Variants in CALN1 observed in about 807,000 individuals in gnomAD.
CALN1 encodes calneuron 1.
Under a neutral mutation model 30.6 loss-of-function variants are expected in CALN1, and 17 were observed. The ratio of observed to expected loss-of-function variants is 0.56; its 90% CI spans 0.38 to 0.83. The LOEUF is 0.83. CALN1 is among the 40% of genes least tolerant of loss of function. CALN1 has a pLI of 0.00. For missense variants in CALN1, 291 were observed against 354.9 expected, an observed-to-expected ratio of 0.82 and a Z score of 1.45; for synonymous variants, 156 against 131.4, an observed-to-expected ratio of 1.19 and a Z score of -1.28.
At chr7:71,893,973 A>G (rs958556714) in intron 5 of CALN1, among the ~76,000 whole-genome samples, 2 of 152,092 alleles carry the variant, frequency 1.3e-5, no homozygotes, top group Non-Finnish European at 2.9e-5. Context: ...TAGACATCAC[A>G]CAACTTGATA....
chr7:71,817,815 T>C (rs1267906781), intron 5 of CALN1, among the ~76,000 whole-genome samples: 4 of 152,128 alleles, frequency 2.6e-5, no homozygotes, highest in African/African-American at 9.6e-5. Flanking sequence ...CACCCGGCCA[T>C]ATTTATATTT....
chr7:71,899,435 G>C (rs901895541), intron 5 of CALN1, among the ~76,000 whole-genome samples: 1 of 152,082 alleles, frequency 6.6e-6, no homozygotes, highest in Non-Finnish European at 1.5e-5. Context: ...GAGCCACCAC[G>C]CCCGGCTGAG....
rs148487351 is a variant in CALN1 at position 71,787,109 on chromosome 7, C to T, written c.*666G>A. Reference sequence around the variant, plus strand: ...GCTCTAGGAACAGAAAGCCAAGTGCCGACGGAAACTGAGAGCACCCCAGCT... The same window carrying T: ...GCTCTAGGAACAGAAAGCCAAGTGCTGACGGAAACTGAGAGCACCCCAGCT... On this transcript the variant is annotated 3_prime_UTR_variant, in exon 7 of 7. Coordinates refer to ENST00000395275, the MANE Select transcript of CALN1 (RefSeq NM_031468.4). The T allele has an allele frequency of 7.6e-3, 1,167 of 152,772 alleles. 11 individuals carry two copies. Among genetic ancestry groups the T allele is most frequent in the Middle Eastern group, 0.014 (4 of 296 alleles). 9.5% of individuals were successfully genotyped at this position (152,772 alleles called of 1,614,324 possible). A position where few individuals can be genotyped will look rare whatever the true frequency, so the allele number is the denominator to read the frequency against.
At chr7:72,465,904 G>A in the CALN1 span, among the ~76,000 whole-genome samples, 1 of 152,160 alleles carries the variant, frequency 6.6e-6, no homozygotes, top group Admixed American at 6.5e-5. Context: ...AAATGAATGG[G>A]GACACCGATA....
intron 4 of CALN1, among the ~76,000 whole-genome samples, chr7:72,077,846 C>T (rs541127003): frequency 6.6e-6 from 1 of 152,304 alleles, no homozygotes; most frequent in Non-Finnish European, 1.5e-5. Context: ...CAGCAAGATG[C>T]TTTCCTTCCT....
intron 3 of CALN1, among the ~76,000 whole-genome samples, chr7:72,226,589 T>A (rs1267012785): frequency 6.6e-6 from 1 of 152,204 alleles, no homozygotes; most frequent in African/African-American, 2.4e-5. Flanking sequence ...AAGGGTTACA[T>A]GGACAGGATA....
At chr7:72,501,511 G>A in the CALN1 span, among the ~76,000 whole-genome samples, 1 of 139,280 alleles carries the variant, frequency 7.2e-6, no homozygotes, top group African/African-American at 2.6e-5. Context: ...TGGAAGGAAG[G>A]AAGTAAAGAA....
the CALN1 span, among the ~76,000 whole-genome samples, chr7:72,487,332 C>T: frequency 5.9e-5 from 9 of 151,900 alleles, no homozygotes; most frequent in Non-Finnish European, 8.8e-5. Context: ...AAGACTGGGA[C>T]GGGCAGCTGC....
chr7:72,046,709 TAAAAAAAAAAAAAAA>T (rs59664699), intron 4 of CALN1, among the ~76,000 whole-genome samples: 3 of 51,844 alleles, frequency 5.8e-5, no homozygotes, highest in Non-Finnish European at 7.2e-5. Flanking sequence ...GACTCCCTCT[TAAAAAAAAAAAAAAA>T]AAAAAAAAAA....
chr7:72,129,459 T>C (rs377212189), intron 3 of CALN1, among the ~76,000 whole-genome samples: 11 of 152,282 alleles, frequency 7.2e-5, no homozygotes, highest in South Asian at 2.1e-4. Context: ...GCGTTATAGA[T>C]AGACAGATAG....
chr7:72,362,859 T>C (rs901964027), intron 2 of CALN1, among the ~76,000 whole-genome samples: 5 of 152,192 alleles, frequency 3.3e-5, no homozygotes, highest in Admixed American at 3.3e-4. Flanking sequence ...GAGCAGCTCA[T>C]ATACATTTAC....
At chr7:72,404,148 GTTGTCC>G (rs1406255374) in intron 1 of CALN1, among the ~76,000 whole-genome samples, 2 of 152,050 alleles carry the variant, frequency 1.3e-5, no homozygotes, top group Non-Finnish European at 2.9e-5. Context: ...CTTCTGAAAA[GTTGTCC>G]TTGACCTGGC....
At chr7:72,123,959 G>T (rs563851437) in intron 3 of CALN1, among the ~76,000 whole-genome samples, 87 of 152,190 alleles carry the variant, frequency 5.7e-4, no homozygotes, top group Non-Finnish European at 1.2e-3. Flanking sequence ...GAGGCAGAAT[G>T]ACCTCATCCC....
chr7:72,281,845 G>A (rs991789357), intron 2 of CALN1, among the ~76,000 whole-genome samples: 9 of 152,050 alleles, frequency 5.9e-5, no homozygotes, highest in Non-Finnish European at 8.8e-5. Flanking sequence ...TCCAACCCAC[G>A]CCCCAGTTCA....
intron 5 of CALN1, among the ~76,000 whole-genome samples, chr7:71,833,577 GAA>G (rs66818847): frequency 8.3e-6 from 1 of 121,124 alleles, no homozygotes; most frequent in African/African-American, 2.8e-5. Context: ...ACATGGTAAA[GAA>G]AAAAAAAAAA....
intron 4 of CALN1, among the ~76,000 whole-genome samples, chr7:72,049,740 T>C (rs905901642): frequency 7.3e-5 from 11 of 150,466 alleles, no homozygotes; most frequent in Non-Finnish European, 1.6e-4. Flanking sequence ...ACTCCTGACC[T>C]CAGGTGATCC....
At chr7:72,104,567 C>A (rs1462405537) in intron 4 of CALN1, among the ~76,000 whole-genome samples, 1 of 152,102 alleles carries the variant, frequency 6.6e-6, no homozygotes. Context: ...CCCCAACAGG[C>A]CCCAGTGTGT....
chr7:71,820,862 A>G (rs1027062000), intron 5 of CALN1, among the ~76,000 whole-genome samples: 4 of 152,192 alleles, frequency 2.6e-5, no homozygotes, highest in Admixed American at 2.6e-4. Context: ...AGATTCTGAG[A>G]CTGAAGTAGG....
Position 71,887,458 on chromosome 7 carries a change from G to T in CALN1, c.502-76966C>A, listed in dbSNP as rs554582876. ...TTACAGGCATGCGTCACCACGCCTG[G>T]CTAATTTTGTATTTTTAGTAGAGAC... is the stretch of plus-strand genomic sequence containing the variant. On this transcript the variant is annotated intron_variant, in intron 5 of 6. Coordinates refer to ENST00000395275, the MANE Select transcript of CALN1 (RefSeq NM_031468.4). Among the ~76,000 whole-genome samples, 6 of 152,234 alleles carry T rather than the reference G, an allele frequency of 3.9e-5. No homozygotes were observed. In the East Asian group the frequency reaches 9.7e-4, roughly 25 times the overall value.
Sources: gnomAD v4.1 joint callset for allele counts (sites outside exome capture counted in the v4.1 genomes callset) on GRCh38, gnomAD v4.1.1 for gene constraint, MANE v1.5 for transcripts, NCBI Gene and HGNC (gene_info 2026-07-23, HGNC 2026-07-21) for gene names.